Variants in DEDD2 observed in about 807,000 individuals in gnomAD.
DEDD2 encodes death effector domain containing 2.
In DEDD2, 18 loss-of-function variants were observed where a neutral mutation model predicts 28.9. The ratio of observed to expected loss-of-function variants is 0.62; its 90% CI spans 0.43 to 0.92. DEDD2 has a LOEUF of 0.92. Among genes scored for constraint, DEDD2 ranks in the 40% least tolerant of loss-of-function variants. The pLI, the probability that DEDD2 is intolerant of heterozygous loss-of-function variation, is 0.00. For synonymous variants in DEDD2, 211 were observed against 206.1 expected, an observed-to-expected ratio of 1.02 and a Z score of -0.20; for missense variants, 411 against 463.3, an observed-to-expected ratio of 0.89 and a Z score of 1.04.
chr19:42,209,505 T>G (rs1387731064), intron 4 of DEDD2, among the ~76,000 whole-genome samples, 195 bp downstream of exon 4: 1 of 152,156 alleles, frequency 6.6e-6, no homozygotes, highest in African/African-American at 2.4e-5. Context: ...TGGCACAAGA[T>G]CTGATCCTTC....
chr19:42,199,729 G>A lies in DEDD2; in HGVS notation c.690C>T (p.Asp230=), dbSNP rs188830959. The A allele has an allele frequency of 5.9e-5, 95 of 1,613,594 alleles. No homozygotes were observed. Among genetic ancestry groups the A allele is most frequent in the African/African-American group, 1.7e-4 (13 of 75,054 alleles). ...RRPQALARQL[D]VFGQATAVLR... ...GCACTGCGGTGGCCTGCCCAAACAC[G>A]TCCAGCTGCCGCGCCAGCGCCTGGG... The change falls in exon 5 of 5, where the codon GAC becomes GAT. Residue 230 remains aspartate, a synonymous_variant. Coordinates refer to ENST00000596251, the MANE Select transcript of DEDD2 (RefSeq NM_133328.4). This position sits in a 1 kb window ranked among gnomAD's most constrained non-coding sequence, Gnocchi z 7.4.
intron 3 of DEDD2, among the ~76,000 whole-genome samples, chr19:42,211,460 A>G (rs1234185245): frequency 1.6e-5 from 2 of 128,734 alleles, no homozygotes; most frequent in African/African-American, 6.0e-5. Flanking sequence ...AAGGAGGAAG[A>G]GAGGGAGGGA....
chr19:42,209,684 G>A lies in DEDD2; in HGVS notation c.589+16C>T. ...GGGGCACTCTACATGCATTGCCAAA[G>A]CCTACAGACACCTACCACAGGTCAC... On this transcript the variant is annotated intron_variant, in intron 4 of 4. Coordinates refer to ENST00000596251, the MANE Select transcript of DEDD2 (RefSeq NM_133328.4). 1 of 1,603,914 alleles carries A rather than the reference G, an allele frequency of 6.2e-7. No homozygotes were observed. The highest frequency in any genetic ancestry group is 1.3e-5 in the African/African-American group (1 of 74,200).
chr19:42,208,263 T>C (rs1297385341), intron 4 of DEDD2, among the ~76,000 whole-genome samples: 1 of 149,528 alleles, frequency 6.7e-6, no homozygotes, highest in Non-Finnish European at 1.5e-5. Context: ...CACAGCAGAG[T>C]CCCCAACCCA....
intron 3 of DEDD2, among the ~76,000 whole-genome samples, chr19:42,211,357 C>A (rs951766482): frequency 1.3e-5 from 2 of 149,028 alleles, no homozygotes; most frequent in African/African-American, 4.9e-5. Context: ...TGGACTCCAG[C>A]CTGGGAAACA....
chr19:42,209,899 G>C, intron 3 of DEDD2, 59 bp from the exon 4 acceptor site: 1 of 1,468,368 alleles, frequency 6.8e-7, no homozygotes, highest in Non-Finnish European at 9.0e-7. Flanking sequence ...GTGCCCAGGT[G>C]TATGCCTGGA....
chr19:42,201,055 C>T (rs149238642), intron 4 of DEDD2, among the ~76,000 whole-genome samples: 256 of 152,336 alleles, frequency 1.7e-3, no homozygotes, highest in African/African-American at 6.0e-3. Context: ...ATCTGCCAGG[C>T]GCCAAGTGCT....
intron 3 of DEDD2, among the ~76,000 whole-genome samples, chr19:42,211,113 G>GA (rs1217468858): frequency 6.6e-6 from 1 of 150,388 alleles, no homozygotes; most frequent in Non-Finnish European, 1.5e-5. Context: ...AGAAGAAAAT[G>GA]AACCTGGTCG....
At position 42,199,256 on chromosome 19, in the gene DEDD2, A is replaced by C; in HGVS notation, c.*182T>G. On this transcript the variant is annotated 3_prime_UTR_variant, in exon 5 of 5. Coordinates refer to ENST00000596251, the MANE Select transcript of DEDD2 (RefSeq NM_133328.4). The surrounding 1 kb of genome is among the most constrained non-coding windows in gnomAD (Gnocchi z 7.4). ...GAGTCTGGGAAGGAAACTCAGCTGGAAATGGTTTAGGCCTCAGAGCCCACA... is the reference window on the plus strand; with the variant it reads ...GAGTCTGGGAAGGAAACTCAGCTGGCAATGGTTTAGGCCTCAGAGCCCACA... The C allele has an allele frequency of 1.1e-6, 1 of 935,942 alleles. No homozygotes were observed. Among genetic ancestry groups the C allele is most frequent in the Non-Finnish European group, 1.5e-6 (1 of 652,266 alleles). The allele number at this position is 935,942 out of a possible 1,614,324, so 58.0% of individuals were successfully genotyped here.
At chr19:42,217,365 T>G (rs1056039139) in intron 1 of DEDD2, among the ~76,000 whole-genome samples, 1 of 152,126 alleles carries the variant, frequency 6.6e-6, no homozygotes, top group Non-Finnish European at 1.5e-5. Context: ...CCCCTGACTC[T>G]GGGTAGGACT....
intron 2 of DEDD2, among the ~76,000 whole-genome samples, chr19:42,215,544 C>A (rs2035933659): frequency 6.6e-6 from 1 of 152,192 alleles, no homozygotes; most frequent in African/African-American, 2.4e-5. Flanking sequence ...GCATCAACTG[C>A]CCCCAGCTCT....
intron 2 of DEDD2, among the ~76,000 whole-genome samples, chr19:42,216,062 C>T (rs1369197000): frequency 6.6e-6 from 1 of 152,196 alleles, no homozygotes; most frequent in Non-Finnish European, 1.5e-5. Context: ...TTGGATGCTC[C>T]CTGGGATTTT....
At chr19:42,209,246 AAAAAG>A (rs534313440) in intron 4 of DEDD2, among the ~76,000 whole-genome samples, 259 of 152,268 alleles carry the variant, frequency 1.7e-3, no homozygotes, top group African/African-American at 5.9e-3. Flanking sequence ...GTCTCAAAAA[AAAAAG>A]AAAAGAAAAG....
chr19:42,205,326 G>A (rs576403337), intron 4 of DEDD2, among the ~76,000 whole-genome samples: 4 of 152,240 alleles, frequency 2.6e-5, no homozygotes, highest in African/African-American at 4.8e-5. Context: ...CTTTTTTGGC[G>A]TGAAACCCTA....
intron 4 of DEDD2, among the ~76,000 whole-genome samples, chr19:42,207,962 T>C (rs1239917226): frequency 1.3e-5 from 2 of 152,096 alleles, no homozygotes; most frequent in Admixed American, 6.6e-5. Flanking sequence ...CTTGAGCTTG[T>C]TCTAGACATG....
intron 3 of DEDD2, among the ~76,000 whole-genome samples, chr19:42,214,316 G>C (rs1047046119): frequency 2.6e-5 from 4 of 152,138 alleles, no homozygotes; most frequent in Non-Finnish European, 2.9e-5. Flanking sequence ...AAATTAGCCA[G>C]GCATGGTGTC....
rs751670096 is a variant in DEDD2 at position 42,215,225 on chromosome 19, G to A, written c.356C>T (p.Thr119Ile). The change falls in exon 3 of 5, where the codon ACC (threonine) becomes ATC (isoleucine). Residue 119 changes from threonine to isoleucine, a missense_variant. By Grantham distance (89) the Thr-to-Ile change is moderately conservative. Around this residue, in one of 2 missense-constraint regions of DEDD2, gnomAD observed 282 missense variants for 273.4 expected, o/e 1.03. Transcript: ENST00000596251. Reference protein sequence around the residue: ...PVSPERYSYGTSSSSKRTEGS... With the variant: ...PVSPERYSYGISSSSKRTEGS... ...CTCTGTCCTCTTTGAAGAGCTGGAG[G>A]TGCCATAGCTATAGCGTTCTGGAGA... 1.2e-6 allele frequency: 2 copies of A among 1,613,596 alleles called. No homozygotes were observed. Among genetic ancestry groups the A allele is most frequent in the African/African-American group, 1.3e-5 (1 of 75,006 alleles).
chr19:42,214,355 G>C (rs1483745507), intron 3 of DEDD2, among the ~76,000 whole-genome samples: 1 of 152,124 alleles, frequency 6.6e-6, no homozygotes, highest in Admixed American at 6.5e-5. Context: ...CTACTTGGGA[G>C]GCTGAGGCAG....
At chr19:42,203,925 C>T (rs1432418487) in intron 4 of DEDD2, among the ~76,000 whole-genome samples, 5 of 152,228 alleles carry the variant, frequency 3.3e-5, no homozygotes, top group Non-Finnish European at 7.3e-5. Context: ...GCACCCAGCA[C>T]CATGTGCGCT....
Sources: gnomAD v4.1 joint callset for allele counts (sites outside exome capture counted in the v4.1 genomes callset) on GRCh38, gnomAD v4.1.1 for gene constraint, gnomAD v4.1.1 regional missense constraint, Gnocchi (gnomAD v3.1) non-coding constraint, MANE v1.5 for transcripts, NCBI Gene and HGNC (gene_info 2026-07-23, HGNC 2026-07-21) for gene names.